MAP3K13: variants seen among roughly 807,000 people sequenced by gnomAD.
MAP3K13 encodes the protein mitogen-activated protein kinase kinase kinase 13, also known as leucine zipper-bearing kinase.
MAP3K13 carries 52 observed loss-of-function variants against 104.0 expected under a neutral mutation model. The observed-to-expected ratio is 0.50, with a 90% CI of 0.40 to 0.63. The LOEUF is 0.63. Among genes scored for constraint, MAP3K13 ranks in the 20% least tolerant of loss-of-function variants. The pLI, the probability that MAP3K13 is intolerant of heterozygous loss-of-function variation, is 0.00. For missense variants in MAP3K13, 914 were observed against 1,218.5 expected (o/e 0.75, Z 3.72); for synonymous variants, 394 against 442.2 (o/e 0.89, Z 1.37).
In MAP3K13 at chr3:185,423,285, C is replaced by T. The variant is rs995115054; in HGVS notation, c.-85-5212C>T. 1.8e-4 allele frequency among the ~76,000 whole-genome samples: 27 copies of T among 150,714 alleles called. No homozygotes were observed. The highest frequency in any genetic ancestry group is 6.7e-4 in the African/African-American group (27 of 40,056). On this transcript the variant is annotated intron_variant, in intron 1 of 13. Coordinates refer to ENST00000265026, the MANE Select transcript of MAP3K13 (RefSeq NM_004721.5). This position sits in a 1 kb window ranked among gnomAD's most constrained non-coding sequence, Gnocchi z 4.1. ...TCTTCCACAAAACTGGTCCCTGGTG[C>T]CAAAGAGGTTGGGGACTGCTGCTGT...
intron 2 of MAP3K13, among the ~76,000 whole-genome samples, chr3:185,288,570 A>G (rs1014019656): frequency 1.3e-5 from 2 of 150,298 alleles, no homozygotes; most frequent in East Asian, 1.9e-4. Context: ...ACCAGATAGG[A>G]AGTTATTGAG....
At chr3:185,378,006 T>A (rs12488632) in intron 1 of MAP3K13, among the ~76,000 whole-genome samples, 6 of 150,938 alleles carry the variant, frequency 4.0e-5, no homozygotes, top group African/African-American at 1.5e-4. Flanking sequence ...GCTCCTGGGG[T>A]GGGGGGAGGT....
Position 185,466,856 on chromosome 3 carries a change from T to G in MAP3K13, c.1536T>G (p.Pro512=), listed in dbSNP as rs1277180993. The stretch of plus-strand genomic sequence containing the variant: ...AGCAAGCAGTGGAAAAGAAGTATCC[T>G]GGGACCTACAAACGACACCCTGTTC... The part of the protein sequence containing the change: ...KREQAVEKKY[P]GTYKRHPVRP... The change falls in exon 10 of 14, where the codon CCT becomes CCG. Residue 512 remains proline, a synonymous_variant. Transcript: ENST00000265026. 1 of 1,613,998 alleles carries G rather than the reference T, an allele frequency of 6.2e-7. No homozygotes were observed. The highest frequency in any genetic ancestry group is 2.2e-5 in the East Asian group (1 of 44,890).
intron 2 of MAP3K13, among the ~76,000 whole-genome samples, chr3:185,295,641 A>G (rs757947736): frequency 2.6e-5 from 4 of 152,154 alleles, no homozygotes; most frequent in African/African-American, 7.2e-5. Context: ...CTTCCTCCAT[A>G]TCTCAGACTA....
intron 1 of MAP3K13, among the ~76,000 whole-genome samples, chr3:185,427,667 C>T (rs1423808930): frequency 6.6e-6 from 1 of 152,098 alleles, no homozygotes; most frequent in Non-Finnish European, 1.5e-5. Flanking sequence ...GTGGATAAGA[C>T]ACGAAAGCAA....
chr3:185,394,036 G>A (rs1712236338), intron 1 of MAP3K13, among the ~76,000 whole-genome samples: 1 of 152,174 alleles, frequency 6.6e-6, no homozygotes, highest in Admixed American at 6.5e-5. Context: ...CCAAGATGTG[G>A]ATGTTGGAAC....
Position 185,289,670 on chromosome 3 carries a change from A to G in MAP3K13, c.-86+4027A>G, listed in dbSNP as rs1720660657. On this transcript the variant is annotated intron_variant, in intron 2 of 14. Coordinates refer to the MAP3K13 transcript ENST00000424227. Reference sequence around the variant, plus strand: ...TTAGAGGCAAAGAAAAAAAGAAAAAACCATAAAGCAGACCAGCTAATTTAA... The same window carrying G: ...TTAGAGGCAAAGAAAAAAAGAAAAAGCCATAAAGCAGACCAGCTAATTTAA... Among the ~76,000 whole-genome samples, 3 of 152,300 alleles carry G rather than the reference A, an allele frequency of 2.0e-5. No individual in the cohort carries two copies. The South Asian group carries it at 6.2e-4, about 32-fold the overall frequency.
At chr3:185,304,883 C>T (rs558805446) in intron 2 of MAP3K13, among the ~76,000 whole-genome samples, 2 of 152,092 alleles carry the variant, frequency 1.3e-5, no homozygotes, top group South Asian at 2.1e-4. Flanking sequence ...CCGCCCCCTT[C>T]GGCCTCCCAA....
At chr3:185,359,975 A>G (rs1383744425), upstream of MAP3K13, among the ~76,000 whole-genome samples, 13 of 151,726 alleles carry the variant, frequency 8.6e-5, no homozygotes. Flanking sequence ...AATAGCTTAT[A>G]TTTTATAGCA....
intron 1 of MAP3K13, among the ~76,000 whole-genome samples, chr3:185,385,619 A>G (rs939125381): frequency 8.5e-5 from 13 of 152,246 alleles, no homozygotes; most frequent in African/African-American, 2.9e-4. Flanking sequence ...CACAACAAAA[A>G]AAGAAAACTA....
intron 2 of MAP3K13, among the ~76,000 whole-genome samples, chr3:185,340,281 T>G (rs1427043430): frequency 1.3e-5 from 2 of 152,288 alleles, no homozygotes; most frequent in East Asian, 3.9e-4. Flanking sequence ...TAAAACCTGA[T>G]GTAAACTATG....
intron 2 of MAP3K13, among the ~76,000 whole-genome samples, chr3:185,307,546 C>CCCCCCCCCCCCCCCCCCCCCCCCCCCCA (rs58408265): frequency 2.2e-4 from 23 of 104,066 alleles, no homozygotes; most frequent in South Asian, 3.9e-4. Flanking sequence ...GCACCACCCC[C>CCCCCCCCCCCCCCCCCCCCCCCCCCCCA]TCCCCCGCCA....
chr3:185,411,816 A>T (rs1240730015), intron 1 of MAP3K13, among the ~76,000 whole-genome samples: 1 of 125,450 alleles, frequency 8.0e-6, no homozygotes, highest in Admixed American at 9.8e-5. Context: ...ACAGAATCTC[A>T]TTCTGTTGCC....
chr3:185,340,740 G>A (rs1244155422), intron 2 of MAP3K13, among the ~76,000 whole-genome samples: 2 of 152,056 alleles, frequency 1.3e-5, no homozygotes, highest in Non-Finnish European at 2.9e-5. Context: ...TAGTGAGTAA[G>A]TCTCACAAGA....
At chr3:185,350,295 C>T (rs1018298080) in intron 2 of MAP3K13, among the ~76,000 whole-genome samples, 1 of 152,212 alleles carries the variant, frequency 6.6e-6, no homozygotes, top group South Asian at 2.1e-4. Context: ...AAGCGGTTCT[C>T]CTGCCTCAGC....
At chr3:185,419,395 T>A (rs1713993717) in intron 1 of MAP3K13, among the ~76,000 whole-genome samples, 1 of 152,210 alleles carries the variant, frequency 6.6e-6, no homozygotes, top group Admixed American at 6.5e-5. Context: ...ATTTTTCATA[T>A]CTGAAAATAT....
intron 9 of MAP3K13, among the ~76,000 whole-genome samples, chr3:185,466,207 G>T (rs995844986): frequency 2.6e-5 from 4 of 152,202 alleles, no homozygotes; most frequent in Non-Finnish European, 5.9e-5. Context: ...ACTCCTGATG[G>T]TGGCAAGAAA....
intron 1 of MAP3K13, among the ~76,000 whole-genome samples, chr3:185,399,623 A>AGGCGG (rs1254795256): frequency 0.021 from 14 of 666 alleles, 6 homozygotes; most frequent in South Asian, 0.083. Context: ...AGAGAGAGAA[A>AGGCGG]GGCGGGGGGG....
rs949812939 is a variant in MAP3K13 at position 185,441,999 on chromosome 3, C to T, written c.660-1446C>T. 8.0e-4 allele frequency among the ~76,000 whole-genome samples: 121 copies of T among 150,752 alleles called. 1 individual carries two copies. Among genetic ancestry groups the T allele is most frequent in the East Asian group, 1.2e-3 (6 of 5,080 alleles). On this transcript the variant is annotated intron_variant, in intron 3 of 13. Coordinates refer to ENST00000265026, the MANE Select transcript of MAP3K13 (RefSeq NM_004721.5). Reference sequence around the variant, plus strand: ...GAGGTTGTGGTGAGCCAAGATTGTGCCACTGCACTCGAACCTGGGTGACAG... The same window carrying T: ...GAGGTTGTGGTGAGCCAAGATTGTGTCACTGCACTCGAACCTGGGTGACAG...
Sources: gnomAD v4.1 joint callset for allele counts (sites outside exome capture counted in the v4.1 genomes callset) on GRCh38, gnomAD v4.1.1 for gene constraint, Gnocchi (gnomAD v3.1) non-coding constraint, MANE v1.5 for transcripts, NCBI Gene and HGNC (gene_info 2026-07-23, HGNC 2026-07-21) for gene names.